Variants in VPS37A observed in about 807,000 individuals in gnomAD.
The protein encoded by VPS37A is vacuolar protein sorting-associated protein 37A.
Under a neutral mutation model 49.8 loss-of-function variants are expected in VPS37A, and 30 were observed. That is an observed-to-expected ratio of 0.60 (90% CI 0.45 to 0.82). VPS37A has a LOEUF of 0.82. Among genes scored for constraint, VPS37A ranks in the 40% least tolerant of loss-of-function variants. VPS37A has a pLI of 0.00. For synonymous variants in VPS37A, 195 were observed against 160.6 expected (o/e 1.21, Z -1.62); for missense variants, 593 against 464.4 (o/e 1.28, Z -2.55).
At chr8:17,248,087 C>G (rs555104499) in intron 1 of VPS37A, 1 of 379,694 alleles carries the variant, frequency 2.6e-6, no homozygotes, top group Non-Finnish European at 5.0e-6. Context: ...ATTATTTCAA[C>G]TTTTACTGTA....
At chr8:17,268,194 T>C in intron 2 of VPS37A, 64 bp from the exon 3 acceptor site, 21 of 1,148,050 alleles carry the variant, frequency 1.8e-5, no homozygotes, top group Non-Finnish European at 2.7e-5. Context: ...GTTTTAAGAT[T>C]TTGACCATAT....
At chr8:17,316,439 T>C in the VPS37A span, among the ~76,000 whole-genome samples, 3 of 148,936 alleles carry the variant, frequency 2.0e-5, no homozygotes, top group Non-Finnish European at 4.4e-5. Context: ...TGTTCCCTCC[T>C]TTTCAATATT....
intron 11 of VPS37A, among the ~76,000 whole-genome samples, chr8:17,287,254 A>C (rs539314467): frequency 6.6e-6 from 1 of 152,332 alleles, no homozygotes; most frequent in East Asian, 1.9e-4. Flanking sequence ...TTATAGAGTA[A>C]AAATGAAGGA....
chr8:17,247,421 G>GGGTA, intron 1 of VPS37A, 52 bp downstream of exon 1: 1 of 163,976 alleles, frequency 6.1e-6, no homozygotes, highest in Non-Finnish European at 1.2e-5. Flanking sequence ...GGGAGGGCGG[G>GGGTA]CTTGTCCTAA....
downstream of VPS37A, among the ~76,000 whole-genome samples, chr8:17,304,677 T>A (rs1261220851): frequency 1.3e-5 from 2 of 151,756 alleles, no homozygotes; most frequent in Non-Finnish European, 2.9e-5. Flanking sequence ...CTTCATGGTA[T>A]AGAGGGAGAA....
At chr8:17,317,285 C>T in the VPS37A span, among the ~76,000 whole-genome samples, 1 of 152,150 alleles carries the variant, frequency 6.6e-6, no homozygotes, top group African/African-American at 2.4e-5. Flanking sequence ...TTCTTAGCTG[C>T]CAAGCTTTGC....
intron 1 of VPS37A, among the ~76,000 whole-genome samples, chr8:17,255,279 G>A (rs1019253912): frequency 6.6e-6 from 1 of 152,226 alleles, no homozygotes; most frequent in South Asian, 2.1e-4. Context: ...TCAGGAGTTC[G>A]AGACCAGCCT....
chr8:17,304,617 C>T (rs971801836), downstream of VPS37A: 1 of 1,297,446 alleles, frequency 7.7e-7, no homozygotes. Context: ...TAATTGTTAC[C>T]TGAAAACCAC....
intron 1 of VPS37A, among the ~76,000 whole-genome samples, chr8:17,261,810 A>G (rs1020620874): frequency 1.3e-5 from 2 of 152,192 alleles, no homozygotes; most frequent in African/African-American, 2.4e-5. Flanking sequence ...TGTGGAATAT[A>G]TCTCCTACAA....
At chr8:17,247,509 T>C in intron 1 of VPS37A, 140 bp downstream of exon 1, 1 of 1,194,308 alleles carries the variant, frequency 8.4e-7, no homozygotes, top group Non-Finnish European at 1.2e-6. Flanking sequence ...GTCACACGCT[T>C]GCTCTGCCAC....
the VPS37A span, among the ~76,000 whole-genome samples, chr8:17,309,818 C>G: frequency 1.3e-5 from 2 of 152,116 alleles, no homozygotes; most frequent in Non-Finnish European, 2.9e-5. Flanking sequence ...ACAAAAACAA[C>G]TGGGAAGTTT....
At chr8:17,287,028 A>T (rs1233377971) in intron 11 of VPS37A, among the ~76,000 whole-genome samples, 1 of 152,186 alleles carries the variant, frequency 6.6e-6, no homozygotes, top group Non-Finnish European at 1.5e-5. Flanking sequence ...CAGATCATCC[A>T]TTTTAACTTT....
In VPS37A at chr8:17,247,109, G is replaced by C; in HGVS notation, c.-136G>C. ...GGGGAGCGCAGGCAGGACAGGCTTAGAGAAGACGCGGTCCCCAGCGCTTGG... is the reference window on the plus strand; with the variant it reads ...GGGGAGCGCAGGCAGGACAGGCTTACAGAAGACGCGGTCCCCAGCGCTTGG... On this transcript the variant is annotated 5_prime_UTR_variant, in exon 1 of 12. It removes the in-frame stop codon of an upstream open reading frame in the 5' UTR. Coordinates refer to ENST00000324849, the MANE Select transcript of VPS37A (RefSeq NM_152415.3). 1.7e-6 allele frequency: 2 copies of C among 1,181,110 alleles called. No homozygotes were observed. The highest frequency in any genetic ancestry group is 2.4e-6 in the Non-Finnish European group (2 of 838,688). 73.2% of individuals were successfully genotyped at this position (1,181,110 alleles called of 1,614,324 possible).
At chr8:17,256,999 C>A (rs1345986102) in intron 1 of VPS37A, among the ~76,000 whole-genome samples, 1 of 152,090 alleles carries the variant, frequency 6.6e-6, no homozygotes, top group African/African-American at 2.4e-5. Flanking sequence ...AAATTGTTTG[C>A]CTAGAACAAT....
chr8:17,299,955 C>G, downstream of VPS37A: 1 of 1,614,156 alleles, frequency 6.2e-7, no homozygotes. Flanking sequence ...ACCGACAGCT[C>G]AAATCCTCCA....
At chr8:17,260,355 C>T (rs1438454034) in intron 1 of VPS37A, among the ~76,000 whole-genome samples, 8 of 152,130 alleles carry the variant, frequency 5.3e-5, no homozygotes, top group Non-Finnish European at 1.2e-4. Flanking sequence ...AATTCCTTCT[C>T]CCCAACATTT....
chr8:17,322,283 G>C, the VPS37A span, among the ~76,000 whole-genome samples: 1 of 152,178 alleles, frequency 6.6e-6, no homozygotes, highest in African/African-American at 2.4e-5. Flanking sequence ...TGGCCTGTAC[G>C]AGCGAAGTGT....
the VPS37A span, among the ~76,000 whole-genome samples, chr8:17,329,363 T>C: frequency 2.6e-5 from 4 of 152,250 alleles, no homozygotes; most frequent in East Asian, 7.7e-4. Context: ...CCTAGCCTAC[T>C]GCACTGCACG....
At chr8:17,249,637 T>C (rs1811787262) in intron 1 of VPS37A, among the ~76,000 whole-genome samples, 1 of 152,180 alleles carries the variant, frequency 6.6e-6, no homozygotes, top group Admixed American at 6.5e-5. Flanking sequence ...CCCTTTTAAA[T>C]AATGACATAT....
Sources: gnomAD v4.1 joint callset for allele counts (sites outside exome capture counted in the v4.1 genomes callset) on GRCh38, gnomAD v4.1.1 for gene constraint, MANE v1.5 for transcripts, NCBI Gene and HGNC (gene_info 2026-07-23, HGNC 2026-07-21) for gene names.